The following TTC6 variants were observed in gnomAD, a reference collection of about 807,000 sequenced individuals.
TTC6 encodes tetratricopeptide repeat domain 6.
Under a neutral mutation model 210.4 loss-of-function variants are expected in TTC6, and 172 were observed. The observed-to-expected ratio is 0.82, with a 90% CI of 0.72 to 0.93. The LOEUF is 0.93. Among genes scored for constraint, TTC6 ranks in the 40% least tolerant of loss-of-function variants. The pLI, the probability that TTC6 is intolerant of heterozygous loss-of-function variation, is 0.00. For synonymous variants in TTC6, 804 were observed against 819.6 expected (o/e 0.98, Z 0.32); for missense variants, 2,414 against 2,318.1 (o/e 1.04, Z -0.85).
chr14:37,804,914 G>A lies in TTC6; in HGVS notation c.4164+100G>A, dbSNP rs970092434. 18 of 1,306,462 alleles carry A rather than the reference G, an allele frequency of 1.4e-5. No individual in the cohort carries two copies. The Admixed American group carries it at 2.6e-4, about 19-fold the overall frequency. 80.9% of individuals were successfully genotyped at this position (1,306,462 alleles called of 1,614,324 possible). ...AAGGCCACCTATACAGTGGGCAACCGGTCCAAAGCTGCTTATGAAGCTTGG... is the reference window on the plus strand; with the variant it reads ...AAGGCCACCTATACAGTGGGCAACCAGTCCAAAGCTGCTTATGAAGCTTGG... On this transcript the variant is annotated intron_variant, in intron 21 of 30. Coordinates refer to ENST00000553443, the Ensembl canonical transcript of TTC6.
At chr14:37,721,098 A>T (rs1367678285) in intron 6 of TTC6, among the ~76,000 whole-genome samples, 1 of 151,016 alleles carries the variant, frequency 6.6e-6, no homozygotes, top group Non-Finnish European at 1.5e-5. Context: ...AAAAAAAAAG[A>T]AAAATAAGAA....
At chr14:37,639,097 G>T (rs1018219295) in intron 1 of TTC6, among the ~76,000 whole-genome samples, 2 of 152,158 alleles carry the variant, frequency 1.3e-5, no homozygotes, top group Admixed American at 1.3e-4. Flanking sequence ...AACATACATT[G>T]CTATGTATAA....
At chr14:37,692,208 C>CAAAAAAAAAAAAAAAAAAAAAAAAA (rs3062759) in intron 3 of TTC6, among the ~76,000 whole-genome samples, 43 of 40,164 alleles carry the variant, frequency 1.1e-3, no homozygotes, top group African/African-American at 2.6e-3. Flanking sequence ...AAAGACACAC[C>CAAAAAAAAAAAAAAAAAAAAAAAAA]AAAAAAAAAA....
chr14:37,622,087 T>G lies in TTC6; in HGVS notation c.23T>G (p.Phe8Cys), dbSNP rs1213361194. ...AAGATGTCCACAATCCCGAGACACT[T>G]TGGCCTGAAATACAAAGAGGAATCG... Residue 8 changes from phenylalanine (F) to cysteine (C), a missense_variant, in exon 1 of 31, where the codon TTT (phenylalanine) becomes TGT (cysteine). By Grantham distance (205) the Phe-to-Cys change is radical (BLOSUM62 -2). Transcript: ENST00000553443. 2.6e-6 allele frequency: 4 copies of G among 1,531,940 alleles called. No individual in the cohort carries two copies. The African/African-American group carries it at 5.5e-5, about 21-fold the overall frequency. 94.9% of individuals were successfully genotyped at this position (1,531,940 alleles called of 1,614,324 possible).
chr14:37,607,582 G>A (rs1398177826), intron 2 of TTC6, among the ~76,000 whole-genome samples: 1 of 151,286 alleles, frequency 6.6e-6, no homozygotes, highest in Non-Finnish European at 1.5e-5. Flanking sequence ...CATGAAAGTA[G>A]AATTTCTGGG....
chr14:37,721,647 C>A (rs952296052), intron 6 of TTC6, among the ~76,000 whole-genome samples: 1 of 151,854 alleles, frequency 6.6e-6, no homozygotes, highest in Non-Finnish European at 1.5e-5. Flanking sequence ...ACAACTCAAA[C>A]AATAGCACAC....
chr14:37,677,895 A>C (rs1038366935), intron 1 of TTC6, among the ~76,000 whole-genome samples: 1 of 151,924 alleles, frequency 6.6e-6, no homozygotes, highest in African/African-American at 2.4e-5. Flanking sequence ...TGTTTCTTAC[A>C]TTTGCTCCTC....
chr14:37,603,812 C>A (rs558742252), intron 1 of TTC6, among the ~76,000 whole-genome samples: 2 of 152,160 alleles, frequency 1.3e-5, no homozygotes, highest in Non-Finnish European at 2.9e-5. Context: ...TCCATGCAAT[C>A]GACAGTGCAG....
chr14:37,762,016 T>C (rs1213579747), intron 14 of TTC6, among the ~76,000 whole-genome samples: 2 of 152,208 alleles, frequency 1.3e-5, no homozygotes, highest in Non-Finnish European at 2.9e-5. Context: ...CCAGTATTGT[T>C]CTACTCGCTG....
chr14:37,800,473 A>T (rs542968176), intron 20 of TTC6, among the ~76,000 whole-genome samples: 3 of 152,218 alleles, frequency 2.0e-5, no homozygotes, highest in African/African-American at 4.8e-5. Context: ...ACTTCTCCAG[A>T]TGGCAAAAGA....
intron 6 of TTC6, among the ~76,000 whole-genome samples, chr14:37,724,007 A>G (rs11844672): frequency 0.072 from 10,896 of 151,566 alleles, 465 homozygotes; most frequent in African/African-American, 0.12. Context: ...CATACAGAAG[A>G]GTTTCACATC....
At chr14:37,782,567 C>T (rs1385115325) in intron 14 of TTC6, among the ~76,000 whole-genome samples, 1 of 151,792 alleles carries the variant, frequency 6.6e-6, no homozygotes, top group South Asian at 2.1e-4. Flanking sequence ...ATCATGTCAT[C>T]TGCAAACAGG....
chr14:37,781,933 T>C (rs1208950256), intron 14 of TTC6, among the ~76,000 whole-genome samples: 1 of 152,100 alleles, frequency 6.6e-6, no homozygotes, highest in African/African-American at 2.4e-5. Flanking sequence ...GATCAGATGG[T>C]TGTAGGAGTG....
chr14:37,779,368 G>GT (rs1270486494), intron 14 of TTC6, among the ~76,000 whole-genome samples: 7 of 88,944 alleles, frequency 7.9e-5, no homozygotes, highest in African/African-American at 2.6e-4. Flanking sequence ...CTGCTTAGAA[G>GT]TCTTTTTTTT....
At chr14:37,667,254 G>C (rs1018862470) in intron 1 of TTC6, among the ~76,000 whole-genome samples, 3 of 150,262 alleles carry the variant, frequency 2.0e-5, no homozygotes, top group Admixed American at 1.3e-4. Context: ...TAGTGGGACA[G>C]TTTTAAGTTA....
intron 1 of TTC6, among the ~76,000 whole-genome samples, chr14:37,675,495 T>G (rs777018879): frequency 1.3e-5 from 2 of 152,146 alleles, no homozygotes; most frequent in Non-Finnish European, 2.9e-5. Flanking sequence ...TTTGGCTTGT[T>G]TCTACTTTTT....
Position 37,701,428 on chromosome 14 carries a change from G to A in TTC6, c.1473G>A (p.Val491=), listed in dbSNP as rs1434614346. 2.0e-6 allele frequency: 3 copies of A among 1,533,310 alleles called. No homozygotes were observed. The East Asian group carries it at 7.4e-5, about 38-fold the overall frequency. The allele number at this position is 1,533,310 out of a possible 1,614,324, so 95.0% of individuals were successfully genotyped here. Residue 491 remains valine, a synonymous_variant, in exon 5 of 31, where the codon GTG becomes GTA. Transcript: ENST00000553443. ...TTGACTTGCGCCTGGCTTCTCGAGT[G>A]TATCACACTGCTAACAGGAAAGGCC...
chr14:37,682,719 A>G (rs542766969), intron 2 of TTC6, 39 bp from the exon 5 acceptor site: 13 of 1,407,874 alleles, frequency 9.2e-6, no homozygotes, highest in Middle Eastern at 1.8e-4. Flanking sequence ...AAGGACCAAT[A>G]AAAAAAAAGC....
chr14:37,664,307 T>A (rs2095743504), intron 1 of TTC6, among the ~76,000 whole-genome samples: 3 of 150,270 alleles, frequency 2.0e-5, no homozygotes, highest in Non-Finnish European at 4.5e-5. Flanking sequence ...AACAGACACA[T>A]AGATGAATAG....
Sources: allele counts gnomAD v4.1 joint callset (sites outside exome capture counted in the v4.1 genomes callset), GRCh38; gene constraint gnomAD v4.1.1; transcripts MANE v1.5; gene names NCBI Gene and HGNC (gene_info 2026-07-23, HGNC 2026-07-21).